The following HTR3B variants were observed in gnomAD, a reference collection of about 807,000 sequenced individuals.
HTR3B encodes the protein 5-hydroxytryptamine (serotonin) receptor 3B, ionotropic.
Under a neutral mutation model 42.8 loss-of-function variants are expected in HTR3B, and 44 were observed. That is an observed-to-expected ratio of 1.03 (90% CI 0.81 to 1.32). The LOEUF is 1.32. Ranked by LOEUF, HTR3B falls within the 40% of genes most tolerant of loss-of-function variation. HTR3B has a pLI of 0.00. For synonymous variants in HTR3B, 203 were observed against 209.0 expected (o/e 0.97, Z 0.25); for missense variants, 527 against 536.5 (o/e 0.98, Z 0.17).
chr11:113,931,465 C>G (rs562278850), intron 3 of HTR3B, 37 bp downstream of exon 3: 2 of 1,290,196 alleles, frequency 1.6e-6, no homozygotes, highest in East Asian at 4.6e-5. Flanking sequence ...ATATTGCACT[C>G]CTGATCTGGA....
At chr11:113,924,496 A>G (rs1490527832) in intron 2 of HTR3B, among the ~76,000 whole-genome samples, 1 of 151,990 alleles carries the variant, frequency 6.6e-6, no homozygotes, top group African/African-American at 2.4e-5. Flanking sequence ...ACGGTGTTGC[A>G]CATCTCTGGT....
intron 2 of HTR3B, among the ~76,000 whole-genome samples, chr11:113,911,724 C>T (rs1355180741): frequency 6.6e-6 from 1 of 152,050 alleles, no homozygotes; most frequent in African/African-American, 2.4e-5. Context: ...GATGGGGTTC[C>T]ACCATGTTGG....
At position 113,919,401 on chromosome 11, in the gene HTR3B, A is replaced by G. The variant is rs540875823; in HGVS notation, c.213+9946A>G. Among the ~76,000 whole-genome samples, 31 of 152,356 alleles carry G rather than the reference A, an allele frequency of 2.0e-4. No individual in the cohort carries two copies. In the South Asian group the frequency reaches 2.3e-3, roughly 11 times the overall value. On this transcript the variant is annotated intron_variant, in intron 2 of 8. Transcript: ENST00000260191. ...ACCTGTTAAAATAATTTAATGATTC[A>G]GTTTCAATTTATTTTAATAGGGATG... is the stretch of plus-strand genomic sequence containing the variant.
At chr11:113,945,161 A>G (rs58135391) in intron 8 of HTR3B, among the ~76,000 whole-genome samples, 5,640 of 151,960 alleles carry the variant, frequency 0.037, 305 homozygotes, top group African/African-American at 0.13. Flanking sequence ...TTTTGACAGA[A>G]TCTCGCTCTG....
In HTR3B at chr11:113,906,294, C is replaced by T. The variant is rs542716490; in HGVS notation, c.52+1309C>T. Among the ~76,000 whole-genome samples the T allele has an allele frequency of 9.2e-5, 14 of 152,176 alleles. No homozygotes were observed. The East Asian group carries it at 1.2e-3, about 13-fold the overall frequency. Reference sequence around the variant, plus strand: ...AGATGATTTGTTAAGTGTAAGAGCACGGAACCAATCCCAGGGGGCAGTGTG... The same window carrying T: ...AGATGATTTGTTAAGTGTAAGAGCATGGAACCAATCCCAGGGGGCAGTGTG... On this transcript the variant is annotated intron_variant, in intron 1 of 8. Transcript: ENST00000260191.
rs1182658324 is a variant in HTR3B at position 113,932,358 on chromosome 11, T to C, written c.438T>C (p.Tyr146=). 1.2e-6 allele frequency: 2 copies of C among 1,613,698 alleles called. No individual in the cohort carries two copies. Among genetic ancestry groups the C allele is most frequent in the Non-Finnish European group, 1.7e-6 (2 of 1,179,686 alleles). ...ACTCATCTGGGACCATTGAGAACTA[T>C]AAGCCCATCCAGGTGGTCTCTGCGT... The part of the protein sequence containing the change: ...YVNSSGTIEN[Y]KPIQVVSACS... The change falls in exon 5 of 9, where the codon TAT becomes TAC. Residue 146 remains tyrosine (Y), a synonymous_variant. Coordinates refer to ENST00000260191, the MANE Select transcript of HTR3B (RefSeq NM_006028.5).
rs1791003000 is a variant in HTR3B at position 113,947,207 on chromosome 11, A to G, written c.*1070A>G. Among the ~76,000 whole-genome samples, 2 of 151,518 alleles carry G rather than the reference A, an allele frequency of 1.3e-5. No homozygotes were observed. Among genetic ancestry groups the G allele is most frequent in the Admixed American group, 6.6e-5 (1 of 15,190 alleles). On this transcript the variant is annotated 3_prime_UTR_variant, in exon 9 of 9. Transcript: ENST00000260191. ...TAACCTCCACCTCCCGGGTTCAAGC[A>G]ATTCCCCTGCCTCAGCCTCCCGAGT...
intron 2 of HTR3B, among the ~76,000 whole-genome samples, chr11:113,924,214 T>C (rs762207190): frequency 5.5e-4 from 84 of 152,216 alleles, no homozygotes; most frequent in Middle Eastern, 3.2e-3. Context: ...GAACTTTTTT[T>C]CTTTCTATTT....
chr11:113,944,365 G>A (rs1266665669), intron 7 of HTR3B, among the ~76,000 whole-genome samples: 1 of 152,132 alleles, frequency 6.6e-6, no homozygotes, highest in Non-Finnish European at 1.5e-5. Flanking sequence ...GCCTGGTGTG[G>A]TGGTGTGTGC....
chr11:113,926,351 C>T (rs560664339), intron 2 of HTR3B, among the ~76,000 whole-genome samples: 2 of 152,074 alleles, frequency 1.3e-5, no homozygotes, highest in South Asian at 4.2e-4. Flanking sequence ...TTTGTGTGGA[C>T]TTATTTCTTC....
At chr11:113,922,319 A>G (rs1209197317) in intron 2 of HTR3B, among the ~76,000 whole-genome samples, 1 of 151,862 alleles carries the variant, frequency 6.6e-6, no homozygotes, top group Non-Finnish European at 1.5e-5. Context: ...AGTTCACTGC[A>G]ACCTCCCAGG....
upstream of HTR3B, among the ~76,000 whole-genome samples, chr11:113,903,889 A>G (rs1565554060): frequency 6.6e-6 from 1 of 152,192 alleles, no homozygotes; most frequent in Non-Finnish European, 1.5e-5. Flanking sequence ...GCTACATTTT[A>G]TTGGTAGATG....
In HTR3B at chr11:113,923,819, A is replaced by G. The variant is rs547111749; in HGVS notation, c.214-7565A>G. Among the ~76,000 whole-genome samples the G allele has an allele frequency of 1.3e-4, 20 of 152,320 alleles. 2 individuals are homozygous for G. Among genetic ancestry groups the G allele is most frequent in the Middle Eastern group, 6.8e-3 (2 of 294 alleles). On this transcript the variant is annotated intron_variant, in intron 2 of 8. Coordinates refer to ENST00000260191, the MANE Select transcript of HTR3B (RefSeq NM_006028.5). ...AACTTGTTTCCTTTGACAAAAAAAG[A>G]TTTTAGTTTTAGCCTCAAAATACTT...
chr11:113,904,944 G>A lies in HTR3B; in HGVS notation c.11G>A (p.Ser4Asn), dbSNP rs151087890. 1.5e-4 allele frequency: 242 copies of A among 1,613,818 alleles called. No individual in the cohort carries two copies. In the African/African-American group the frequency reaches 3.0e-3, roughly 20 times the overall value. ...GGGATCTGCCCAGGAATGTTGTCAA[G>A]TGTAATGGCTCCCCTGTGGGCCTGC... MLS[S>N]VMAPLWACIL... The change falls in exon 1 of 9, where the codon AGT (serine) becomes AAT (asparagine). Residue 4 changes from serine (S) to asparagine (N), a missense_variant. By Grantham distance (46) the Ser-to-Asn change is conservative. Transcript: ENST00000260191.
At chr11:113,900,883 G>A (rs2137475217), upstream of HTR3B, among the ~76,000 whole-genome samples, 1 of 152,130 alleles carries the variant, frequency 6.6e-6, no homozygotes, top group Non-Finnish European at 1.5e-5. Context: ...AGAGAAGGGG[G>A]AAGCGCCACA....
At chr11:113,907,755 G>A (rs554835889) in intron 1 of HTR3B, among the ~76,000 whole-genome samples, 17 of 152,208 alleles carry the variant, frequency 1.1e-4, no homozygotes, top group Admixed American at 6.5e-4. Context: ...ATGCTGTCTC[G>A]GGTAATTTCC....
rs114188159 is a variant in HTR3B, at chr11:113,915,878, G to A, written c.213+6423G>A. Among the ~76,000 whole-genome samples, 369 of 151,798 alleles carry A rather than the reference G, an allele frequency of 2.4e-3. 2 individuals carry two copies. Among genetic ancestry groups the A allele is most frequent in the African/African-American group, 7.6e-3 (316 of 41,380 alleles). ...TTTTAGACGGAGTCTTGATCTTGTC[G>A]CCTGGGCTGGAGTGCAGTGGCATGA... On this transcript the variant is annotated intron_variant, in intron 2 of 8. Coordinates refer to ENST00000260191, the MANE Select transcript of HTR3B (RefSeq NM_006028.5).
chr11:113,921,775 G>T (rs545717647), intron 2 of HTR3B, among the ~76,000 whole-genome samples: 1 of 152,138 alleles, frequency 6.6e-6, no homozygotes, highest in Non-Finnish European at 1.5e-5. Context: ...ACAAAAGAAA[G>T]TAAAATCAGA....
chr11:113,926,183 C>CA (rs957232025), intron 2 of HTR3B, among the ~76,000 whole-genome samples: 1 of 152,136 alleles, frequency 6.6e-6, no homozygotes, highest in Admixed American at 6.5e-5. Flanking sequence ...TATATGTTGT[C>CA]ACATGCATCA....
Sources: gnomAD v4.1 joint callset for allele counts (sites outside exome capture counted in the v4.1 genomes callset) on GRCh38, gnomAD v4.1.1 for gene constraint, MANE v1.5 for transcripts, NCBI Gene and HGNC (gene_info 2026-07-23, HGNC 2026-07-21) for gene names.